Variants in MDGA2 observed in about 807,000 individuals in gnomAD.
MDGA2 encodes MAM domain containing glycosylphosphatidylinositol anchor 2.
A neutral mutation model predicts 117.8 loss-of-function variants in MDGA2; 40 were observed. That is an observed-to-expected ratio of 0.34 (90% CI 0.26 to 0.44). The LOEUF is 0.44. Among genes scored for constraint, MDGA2 ranks in the 20% least tolerant of loss-of-function variants. MDGA2 has a pLI of 1.00. For synonymous variants in MDGA2, 452 were observed against 439.0 expected (o/e 1.03, Z -0.37); for missense variants, 1,123 against 1,250.6 (o/e 0.90, Z 1.54).
intron 3 of MDGA2, among the ~76,000 whole-genome samples, chr14:47,169,995 T>C (rs1209030804): frequency 1.3e-5 from 2 of 152,112 alleles, no homozygotes; most frequent in Non-Finnish European, 2.9e-5. Flanking sequence ...TACGATGAAT[T>C]ACTAAGTAAA....
chr14:47,352,653 G>T (rs755998764), intron 1 of MDGA2, among the ~76,000 whole-genome samples: 1 of 152,252 alleles, frequency 6.6e-6, no homozygotes, highest in Middle Eastern at 3.4e-3. Context: ...TTTGCAAAAG[G>T]TTTTTGTAAA....
rs528661743 is a variant in MDGA2 at position 46,899,871 on chromosome 14, C to A, written c.2239-17650G>T. Among the ~76,000 whole-genome samples, 4 of 151,976 alleles carry A rather than the reference C, an allele frequency of 2.6e-5. No homozygotes were observed. In the South Asian group the frequency reaches 8.3e-4, roughly 32 times the overall value. The stretch of plus-strand genomic sequence containing the variant: ...ACCAGATTATGTCAAACAATGCTCT[C>A]AGAAGGCATCAGTAGAGTATCAGTA... On this transcript the variant is annotated intron_variant, in intron 10 of 16. Transcript: ENST00000399232.
At chr14:47,436,438 C>A (rs544251365) in intron 1 of MDGA2, among the ~76,000 whole-genome samples, 17 of 151,942 alleles carry the variant, frequency 1.1e-4, no homozygotes, top group African/African-American at 4.1e-4. Context: ...TCAAGGTGTA[C>A]AAAAAGGGGA....
intron 1 of MDGA2, among the ~76,000 whole-genome samples, chr14:47,499,277 A>G (rs980207791): frequency 6.6e-6 from 1 of 152,164 alleles, no homozygotes; most frequent in Admixed American, 6.5e-5. Flanking sequence ...ATCTTAGCAT[A>G]TTGGAGATAT....
chr14:47,459,763 T>C (rs1199764789), intron 1 of MDGA2, among the ~76,000 whole-genome samples: 2 of 152,158 alleles, frequency 1.3e-5, no homozygotes, highest in Non-Finnish European at 2.9e-5. Flanking sequence ...ATTAGTCTTA[T>C]CAAAATTGTT....
At chr14:46,991,488 G>A (rs918792957) in intron 8 of MDGA2, among the ~76,000 whole-genome samples, 1 of 151,666 alleles carries the variant, frequency 6.6e-6, no homozygotes, top group Non-Finnish European at 1.5e-5. Flanking sequence ...TGTCTTAAGA[G>A]TCAAAGCAGC....
At chr14:47,348,428 T>A (rs1890808429) in intron 1 of MDGA2, among the ~76,000 whole-genome samples, 1 of 152,170 alleles carries the variant, frequency 6.6e-6, no homozygotes, top group Non-Finnish European at 1.5e-5. Flanking sequence ...GCCAGGCTGG[T>A]CTGGAACTCC....
chr14:47,638,806 G>A (rs1897368849), intron 1 of MDGA2, among the ~76,000 whole-genome samples: 1 of 152,122 alleles, frequency 6.6e-6, no homozygotes, highest in African/African-American at 2.4e-5. Flanking sequence ...TTTAAAACCT[G>A]TGATAGATTA....
At chr14:47,053,407 A>C (rs1251137867) in intron 7 of MDGA2, among the ~76,000 whole-genome samples, 1 of 151,620 alleles carries the variant, frequency 6.6e-6, no homozygotes, top group East Asian at 1.9e-4. Context: ...AGCTACAACT[A>C]ATCTCAAACC....
At chr14:46,861,082 C>T (rs758392257) in intron 14 of MDGA2, among the ~76,000 whole-genome samples, 2 of 151,566 alleles carry the variant, frequency 1.3e-5, no homozygotes, top group Non-Finnish European at 3.0e-5. Flanking sequence ...TCTCTTATAC[C>T]CTTTCATATA....
intron 8 of MDGA2, among the ~76,000 whole-genome samples, chr14:46,989,040 C>G (rs993812612): frequency 1.3e-5 from 2 of 152,090 alleles, no homozygotes; most frequent in Admixed American, 1.3e-4. Context: ...TCTACATAAA[C>G]AAACCAAGTC....
chr14:47,609,206 C>T (rs1896793989), intron 1 of MDGA2, among the ~76,000 whole-genome samples: 1 of 150,962 alleles, frequency 6.6e-6, no homozygotes, highest in African/African-American at 2.4e-5. Context: ...TTATCCCTCA[C>T]CTCCCTCCTA....
At position 47,479,593 on chromosome 14, in the gene MDGA2, A is replaced by G. The variant is rs17118762; in HGVS notation, c.281-178043T>C. Among the ~76,000 whole-genome samples, 982 of 152,266 alleles carry G rather than the reference A, an allele frequency of 6.4e-3. 15 individuals are homozygous for G. The highest frequency in any genetic ancestry group is 0.022 in the African/African-American group (924 of 41,568). On this transcript the variant is annotated intron_variant, in intron 1 of 16. Transcript: ENST00000399232. Reference sequence around the variant, plus strand: ...TAAACCCAAAGGTGTAAACTGTGCAATCTAATGAAGGATCTCCTGCTTCTT... The same window carrying G: ...TAAACCCAAAGGTGTAAACTGTGCAGTCTAATGAAGGATCTCCTGCTTCTT...
At chr14:47,106,531 G>A (rs186650791) in intron 5 of MDGA2, among the ~76,000 whole-genome samples, 77,372 of 150,108 alleles carry the variant, frequency 0.52, 20,204 homozygotes, top group African/African-American at 0.63. Flanking sequence ...TCCCATCTGT[G>A]CGGGACCCCA....
intron 1 of MDGA2, among the ~76,000 whole-genome samples, chr14:47,448,842 G>C (rs749172884): frequency 5.3e-5 from 8 of 152,254 alleles, no homozygotes; most frequent in Non-Finnish European, 7.4e-5. Context: ...ATGTGGAACG[G>C]AGTCCTTAGC....
Position 46,930,202 on chromosome 14 carries a change from T to A in MDGA2, c.2090-10042A>T, listed in dbSNP as rs559822405. ...AAAAGTTTAATAAGTTTAACAAAGT[T>A]TAATAAAGTTTAACAGAATTTGTCT... On this transcript the variant is annotated intron_variant, in intron 9 of 16. Coordinates refer to ENST00000399232, the MANE Select transcript of MDGA2 (RefSeq NM_001113498.3). Among the ~76,000 whole-genome samples the A allele has an allele frequency of 1.3e-5, 2 of 152,058 alleles. 1 individual carries two copies. The highest frequency in any genetic ancestry group is 4.1e-4 in the South Asian group (2 of 4,830).
At chr14:46,948,745 C>A (rs558875028) in intron 9 of MDGA2, among the ~76,000 whole-genome samples, 1 of 152,034 alleles carries the variant, frequency 6.6e-6, no homozygotes, top group South Asian at 2.1e-4. Context: ...AATAAGCCAC[C>A]CAGAATAATA....
intron 5 of MDGA2, among the ~76,000 whole-genome samples, chr14:47,104,104 C>T (rs1441069148): frequency 6.6e-6 from 1 of 152,110 alleles, no homozygotes; most frequent in Non-Finnish European, 1.5e-5. Context: ...ATATTTATGT[C>T]ATTAGAGCAC....
At chr14:47,066,959 C>A (rs1890106531) in intron 6 of MDGA2, among the ~76,000 whole-genome samples, 1 of 151,854 alleles carries the variant, frequency 6.6e-6, no homozygotes, top group Admixed American at 6.6e-5. Flanking sequence ...ACTAAAAATA[C>A]AAAAAATTAG....
Sources: allele counts gnomAD v4.1 joint callset (sites outside exome capture counted in the v4.1 genomes callset), GRCh38; gene constraint gnomAD v4.1.1; transcripts MANE v1.5; gene names NCBI Gene and HGNC (gene_info 2026-07-23, HGNC 2026-07-21).